The following PPP1R16B variants were observed in gnomAD, a reference collection of about 807,000 sequenced individuals.
PPP1R16B encodes the protein protein phosphatase 1 regulatory subunit 16B.
In PPP1R16B, 14 loss-of-function variants were observed where a neutral mutation model predicts 61.7. The ratio of observed to expected loss-of-function variants is 0.23; its 90% CI spans 0.15 to 0.35. PPP1R16B has a LOEUF of 0.35. Among genes scored for constraint, PPP1R16B ranks in the 10% least tolerant of loss-of-function variants. PPP1R16B has a pLI of 1.00. For missense variants in PPP1R16B, 547 were observed against 752.5 expected, an observed-to-expected ratio of 0.73 and a Z score of 3.19; for synonymous variants, 266 against 305.3, an observed-to-expected ratio of 0.87 and a Z score of 1.34.
In PPP1R16B at chr20:38,918,008, T is replaced by G; in HGVS notation, c.1195-149T>G. The G allele has an allele frequency of 9.1e-7, 1 of 1,095,638 alleles. No homozygotes were observed. Among genetic ancestry groups the G allele is most frequent in the Non-Finnish European group, 1.3e-6 (1 of 768,232 alleles). 67.9% of individuals were successfully genotyped at this position (1,095,638 alleles called of 1,614,324 possible). ...TGTACGGAAATTCATAGATTGGGGG[T>G]TCCCCAAAGGAAAACCCTGGCCCCG... On this transcript the variant is annotated intron_variant, in intron 10 of 10. Transcript: ENST00000299824. This position sits in a 1 kb window ranked among gnomAD's most constrained non-coding sequence, Gnocchi z 5.3.
At chr20:38,906,289 T>G (rs1009279743) in intron 7 of PPP1R16B, among the ~76,000 whole-genome samples, 195 bp downstream of exon 7, 135 of 118,598 alleles carry the variant, frequency 1.1e-3, no homozygotes, top group Non-Finnish European at 2.0e-3. Context: ...TTGTGTTTTT[T>G]TTTTTTTTTT....
chr20:38,850,316 T>A (rs1223848105), intron 2 of PPP1R16B, among the ~76,000 whole-genome samples: 1 of 152,106 alleles, frequency 6.6e-6, no homozygotes, highest in African/African-American at 2.4e-5. Flanking sequence ...CCCAAACACA[T>A]GGACTGACAC....
rs959996955 is a variant in PPP1R16B, at chr20:38,920,493, G to A, written c.*1827G>A. 3.3e-5 allele frequency: 5 copies of A among 152,736 alleles called. No homozygotes were observed. Among genetic ancestry groups the A allele is most frequent in the Non-Finnish European group, 5.9e-5 (4 of 68,306 alleles). The allele number at this position is 152,736 out of a possible 1,614,324, so 9.5% of individuals were successfully genotyped here. On this transcript the variant is annotated 3_prime_UTR_variant, in exon 11 of 11. Transcript: ENST00000299824. ...CCTTGTGCCACAACTTTGGTCATGGGATCTGCTCTTTGTCATTCTTAGCCC... is the reference window on the plus strand; with the variant it reads ...CCTTGTGCCACAACTTTGGTCATGGAATCTGCTCTTTGTCATTCTTAGCCC...
chr20:38,906,052 G>C lies in PPP1R16B; in HGVS notation c.780G>C (p.Trp260Cys), dbSNP rs1266314268. ...DHGVRVDVKD[W>C]DGWEPLHAAA... The stretch of plus-strand genomic sequence containing the variant: ...GAGTGCGTGTGGATGTGAAGGACTG[G>C]GATGGCTGGGAGCCCCTGCATGCAG... Residue 260 changes from tryptophan (W) to cysteine (C), a missense_variant, in exon 7 of 11, where the codon TGG becomes TGC. By Grantham distance (215) the Trp-to-Cys change is radical. Coordinates refer to ENST00000299824, the MANE Select transcript of PPP1R16B (RefSeq NM_015568.4). 3.7e-6 allele frequency: 6 copies of C among 1,613,466 alleles called. No homozygotes were observed. Among genetic ancestry groups the C allele is most frequent in the African/African-American group, 2.7e-5 (2 of 74,894 alleles).
Position 38,884,449 on chromosome 20 carries a change from A to G in PPP1R16B, c.251-5146A>G, listed in dbSNP as rs2085227858. 3.3e-5 allele frequency among the ~76,000 whole-genome samples: 5 copies of G among 152,238 alleles called. No homozygotes were observed. In the East Asian group the frequency reaches 9.6e-4, roughly 29 times the overall value. ...ATATCGTAGGCCACGTGAGCCATAC[A>G]GTCTCTGTTGTACCTACTCAATTCT... On this transcript the variant is annotated intron_variant, in intron 2 of 10. Coordinates refer to ENST00000299824, the MANE Select transcript of PPP1R16B (RefSeq NM_015568.4).
chr20:38,910,423 T>A (rs1247774486), intron 10 of PPP1R16B, among the ~76,000 whole-genome samples: 1 of 152,234 alleles, frequency 6.6e-6, no homozygotes, highest in Non-Finnish European at 1.5e-5. Flanking sequence ...AACTTTGAGT[T>A]CTAAAGATTA....
At chr20:38,896,780 C>T (rs943843830) in intron 4 of PPP1R16B, among the ~76,000 whole-genome samples, 1 of 152,100 alleles carries the variant, frequency 6.6e-6, no homozygotes, top group Non-Finnish European at 1.5e-5. Context: ...TCCCTGCCTA[C>T]CCCTGGCTCC....
chr20:38,813,099 T>G (rs936824865), intron 1 of PPP1R16B, among the ~76,000 whole-genome samples: 1 of 152,192 alleles, frequency 6.6e-6, no homozygotes, highest in Non-Finnish European at 1.5e-5. Flanking sequence ...ATGCAGCCTG[T>G]TGTGCCTGTT....
At position 38,907,665 on chromosome 20, in the gene PPP1R16B, T is replaced by C; in HGVS notation, c.899-141T>C. On this transcript the variant is annotated intron_variant, in intron 8 of 10. Transcript: ENST00000299824. The surrounding 1 kb of genome is among the most constrained non-coding windows in gnomAD (Gnocchi z 4.5). ...ACACTCACTCAACTTTGGCTGGCAT[T>C]GTTTTCTTGCCTCCCTGCATGCCCT... 8.5e-7 allele frequency: 1 copy of C among 1,179,744 alleles called. No homozygotes were observed. Among genetic ancestry groups the C allele is most frequent in the Non-Finnish European group, 1.2e-6 (1 of 834,434 alleles). The allele number at this position is 1,179,744 out of a possible 1,614,324, so 73.1% of individuals were successfully genotyped here.
chr20:38,854,027 T>C (rs893216957), intron 2 of PPP1R16B, among the ~76,000 whole-genome samples: 3 of 152,186 alleles, frequency 2.0e-5, no homozygotes, highest in Admixed American at 6.5e-5. Context: ...GCATGATTCA[T>C]TGGGGGCCAT....
At chr20:38,892,609 G>C (rs984385016) in intron 3 of PPP1R16B, among the ~76,000 whole-genome samples, 1 of 152,174 alleles carries the variant, frequency 6.6e-6, no homozygotes, top group African/African-American at 2.4e-5. Context: ...TCAGAGTTCA[G>C]AGTGTGCTGT....
intron 3 of PPP1R16B, among the ~76,000 whole-genome samples, chr20:38,890,623 C>T (rs2085285088): frequency 6.6e-6 from 1 of 152,220 alleles, no homozygotes; most frequent in Non-Finnish European, 1.5e-5. Context: ...TGACTTCTCC[C>T]CTACTCAGAC....
At chr20:38,832,327 G>A (rs1346972239) in intron 1 of PPP1R16B, among the ~76,000 whole-genome samples, 1 of 152,182 alleles carries the variant, frequency 6.6e-6, no homozygotes, top group Non-Finnish European at 1.5e-5. Flanking sequence ...ATCAGGGCTC[G>A]TCACAGAGCA....
At position 38,806,898 on chromosome 20, in the gene PPP1R16B, G is replaced by A. The variant is rs1323341398; in HGVS notation, c.-102+1106G>A. Among the ~76,000 whole-genome samples the A allele has an allele frequency of 1.3e-5, 2 of 152,204 alleles. No homozygotes were observed. Among genetic ancestry groups the A allele is most frequent in the African/African-American group, 4.8e-5 (2 of 41,466 alleles). On this transcript the variant is annotated intron_variant, in intron 1 of 10. Transcript: ENST00000299824. The surrounding 1 kb of genome is among the most constrained non-coding windows in gnomAD (Gnocchi z 4.5). ...GGGCACCTCAGGAGCGGAGGGAGAGGGATGTGGCTTCATCAGCGCTTCTAG... is the reference window on the plus strand; with the variant it reads ...GGGCACCTCAGGAGCGGAGGGAGAGAGATGTGGCTTCATCAGCGCTTCTAG...
At chr20:38,848,731 T>A (rs1471432093) in intron 2 of PPP1R16B, among the ~76,000 whole-genome samples, 1 of 152,198 alleles carries the variant, frequency 6.6e-6, no homozygotes, top group East Asian at 1.9e-4. Context: ...TACAGCATGT[T>A]CTCACTTACA....
At chr20:38,894,693 G>T (rs1348873504) in intron 3 of PPP1R16B, among the ~76,000 whole-genome samples, 2 of 152,130 alleles carry the variant, frequency 1.3e-5, no homozygotes, top group African/African-American at 4.8e-5. Context: ...GTTTCATCCC[G>T]CAGTCTGTAA....
chr20:38,825,306 C>T (rs1338873256), intron 1 of PPP1R16B, among the ~76,000 whole-genome samples: 2 of 152,178 alleles, frequency 1.3e-5, no homozygotes, highest in Non-Finnish European at 2.9e-5. Context: ...ATTCCAGGGC[C>T]AGCCTTGGGA....
chr20:38,870,859 G>C (rs2085124120), intron 2 of PPP1R16B, among the ~76,000 whole-genome samples: 1 of 152,028 alleles, frequency 6.6e-6, no homozygotes, highest in Non-Finnish European at 1.5e-5. Flanking sequence ...GGGCTGGAGG[G>C]TTGGGGCGTG....
chr20:38,871,579 A>T (rs2085129350), intron 2 of PPP1R16B, among the ~76,000 whole-genome samples: 1 of 123,248 alleles, frequency 8.1e-6, no homozygotes, highest in Non-Finnish European at 1.7e-5. Flanking sequence ...TAAGGAAGAG[A>T]GGAACGAAGG....
Sources: gnomAD v4.1 joint callset for allele counts (sites outside exome capture counted in the v4.1 genomes callset) on GRCh38, gnomAD v4.1.1 for gene constraint, Gnocchi (gnomAD v3.1) non-coding constraint, MANE v1.5 for transcripts, NCBI Gene and HGNC (gene_info 2026-07-23, HGNC 2026-07-21) for gene names.